Variants in RDH13 observed in about 807,000 individuals in gnomAD.
RDH13 encodes retinol dehydrogenase 13, also known as retinol dehydrogenase 13 (all-trans and 9-cis).
RDH13 carries 35 observed loss-of-function variants against 28.3 expected under a neutral mutation model. That is an observed-to-expected ratio of 1.24 (90% CI 0.95 to 1.64). The LOEUF is 1.64. Among genes scored for constraint, RDH13 ranks in the 40% most tolerant of loss-of-function variants. RDH13 has a pLI of 0.00. For missense variants in RDH13, 514 were observed against 446.3 expected, an observed-to-expected ratio of 1.15 and a Z score of -1.37; for synonymous variants, 229 against 198.5, an observed-to-expected ratio of 1.15 and a Z score of -1.29.
At position 55,061,584 on chromosome 19, in the gene RDH13, A is replaced by G. The variant is rs143454319; in HGVS notation, c.65+1384T>C. 3.5e-3 allele frequency among the ~76,000 whole-genome samples: 531 copies of G among 151,668 alleles called. 3 individuals carry two copies. The highest frequency in any genetic ancestry group is 0.012 in the African/African-American group (507 of 41,368). Reference sequence around the variant, plus strand: ...GACAGGAGGATCACTTGAGGTCAGGAGTTCGAGACCAGCCATGGCCAACAT... The same window carrying G: ...GACAGGAGGATCACTTGAGGTCAGGGGTTCGAGACCAGCCATGGCCAACAT... On this transcript the variant is annotated intron_variant, in intron 1 of 6. Transcript: ENST00000415061.
At position 55,045,176 on chromosome 19, in the gene RDH13, G is replaced by C. The variant is rs200031603; in HGVS notation, c.894C>G (p.Pro298=). ...GGGCCACCTCCTCATCCTCAGCCTC[G>C]GGGGCCGGGGCCTTCTGTTTGAGTC... ...FDGLKQKAPA[P]EAEDEEVARR... is the part of the protein sequence containing the mutation. The change falls in exon 7 of 7, where the codon CCC becomes CCG. Residue 298 remains proline (P), a synonymous_variant. Coordinates refer to ENST00000415061, the MANE Select transcript of RDH13 (RefSeq NM_001145971.2). 3.7e-6 allele frequency: 6 copies of C among 1,613,594 alleles called. No homozygotes were observed. Among genetic ancestry groups the C allele is most frequent in the Non-Finnish European group, 5.1e-6 (6 of 1,179,962 alleles).
At chr19:55,041,696 C>T (rs766562326), downstream of RDH13, 11 of 152,240 alleles carry the variant, frequency 7.2e-5, no homozygotes, top group East Asian at 1.9e-4. Flanking sequence ...AGCGCTCAGA[C>T]GCGACACGCC....
chr19:55,066,270 C>T (rs2075956512), upstream of RDH13, among the ~76,000 whole-genome samples: 1 of 152,202 alleles, frequency 6.6e-6, no homozygotes, highest in African/African-American at 2.4e-5. Flanking sequence ...CTGATCAGCA[C>T]TGGGTGCTGT....
Position 55,045,238 on chromosome 19 carries a change from C to G in RDH13, c.832G>C (p.Glu278Gln). 1 of 1,613,428 alleles carries G rather than the reference C, an allele frequency of 6.2e-7. No homozygotes were observed. Among genetic ancestry groups the G allele is most frequent in the Non-Finnish European group, 8.5e-7 (1 of 1,180,040 alleles). ...TTTCCGGAAACATCCGCCAGTTCCT[C>G]CGCCACGGCCAGGTATGTGCTGGGC... ...AQPSTYLAVA[E>Q]ELADVSGKYF... The change falls in exon 7 of 7, where the codon GAG becomes CAG. Residue 278 changes from glutamate to glutamine, a missense_variant. Coordinates refer to ENST00000415061, the MANE Select transcript of RDH13 (RefSeq NM_001145971.2).
chr19:55,061,194 C>G (rs1486030332), intron 1 of RDH13, among the ~76,000 whole-genome samples: 1 of 152,188 alleles, frequency 6.6e-6, no homozygotes, highest in South Asian at 2.1e-4. Context: ...GTGGCTCAAT[C>G]TCAGCTCACT....
At chr19:55,052,709 T>C (rs1247729690) in intron 3 of RDH13, among the ~76,000 whole-genome samples, 1 of 150,740 alleles carries the variant, frequency 6.6e-6, no homozygotes, top group Non-Finnish European at 1.5e-5. Context: ...TCACCCAGGC[T>C]GGAGTGCAGT....
chr19:55,047,686 G>C (rs1452266717), intron 5 of RDH13, among the ~76,000 whole-genome samples, 198 bp from the exon 6 acceptor site: 1 of 152,144 alleles, frequency 6.6e-6, no homozygotes, highest in East Asian at 1.9e-4. Context: ...GCTGGGAGCC[G>C]AGCTTTCCTG....
chr19:55,046,063 C>T (rs1296065483), intron 6 of RDH13, among the ~76,000 whole-genome samples: 1 of 150,812 alleles, frequency 6.6e-6, no homozygotes, highest in South Asian at 2.1e-4. Context: ...GCCTGGCCAA[C>T]GTGTGAAACC....
upstream of RDH13, among the ~76,000 whole-genome samples, chr19:55,065,949 T>G (rs1180721896): frequency 2.6e-5 from 4 of 152,090 alleles, no homozygotes; most frequent in Non-Finnish European, 4.4e-5. Context: ...AACTCCAGGC[T>G]TCAGGTGATC....
Position 55,056,790 on chromosome 19 carries a change from GCCAGGATGATGTTGCCTCCTGAAAAC to G in RDH13, c.185-8_202del, listed in dbSNP as rs1292200792. 1.2e-6 allele frequency: 2 copies of G among 1,613,982 alleles called. No homozygotes were observed. Among genetic ancestry groups the G allele is most frequent in the South Asian group, 1.1e-5 (1 of 91,032 alleles). ...CTCACACTTCTCCATGTCTCGGCAGGCCAGGATGATGTTGCCTCCTGAAAACCCAGGATGGAAAAAGATTTAAATTA... is the reference window on the plus strand; with the variant it reads ...CTCACACTTCTCCATGTCTCGGCAGGCCAGGATGGAAAAAGATTTAAATTA... On this transcript the variant is annotated splice_acceptor_variant and splice_polypyrimidine_tract_variant and coding_sequence_variant and intron_variant, in exon 3 of 7. Coordinates refer to ENST00000415061, the MANE Select transcript of RDH13 (RefSeq NM_001145971.2). LOFTEE classifies it high-confidence loss of function.
At chr19:55,067,352 G>A (rs1314769954), upstream of RDH13, 1 of 152,226 alleles carries the variant, frequency 6.6e-6, no homozygotes, top group African/African-American at 2.4e-5. Flanking sequence ...CAAGCTTTCT[G>A]CAGGAAATGA....
intron 3 of RDH13, among the ~76,000 whole-genome samples, chr19:55,049,121 C>T (rs768176089): frequency 2.6e-5 from 4 of 152,132 alleles, no homozygotes; most frequent in East Asian, 1.9e-4. Flanking sequence ...AGGGACACCG[C>T]GATTCAGACT....
At chr19:55,057,441 T>A (rs1330323828) in intron 2 of RDH13, among the ~76,000 whole-genome samples, 1 of 150,802 alleles carries the variant, frequency 6.6e-6, no homozygotes, top group Non-Finnish European at 1.5e-5. Flanking sequence ...TCTCCTTTTT[T>A]TTTTTTTTTT....
chr19:55,049,224 C>A (rs761213943), intron 3 of RDH13, among the ~76,000 whole-genome samples: 1 of 152,188 alleles, frequency 6.6e-6, no homozygotes, highest in Non-Finnish European at 1.5e-5. Flanking sequence ...GACACTCACA[C>A]GCCCTCCGCA....
chr19:55,043,540 C>T (rs568644703), downstream of RDH13, among the ~76,000 whole-genome samples: 85 of 151,646 alleles, frequency 5.6e-4, no homozygotes, highest in South Asian at 2.3e-3. Context: ...TGGTGGTGGG[C>T]GCCTGTAATC....
At chr19:55,062,916 C>T in intron 1 of RDH13, 52 bp downstream of exon 1, 1 of 1,379,686 alleles carries the variant, frequency 7.2e-7, no homozygotes. Context: ...CTTCCCGGCC[C>T]CTGCGCTGGG....
chr19:55,048,160 A>G, intron 5 of RDH13, 169 bp downstream of exon 5: 4 of 1,534,828 alleles, frequency 2.6e-6, no homozygotes, highest in South Asian at 1.2e-5. Context: ...ACGATCGATT[A>G]GTGATGTCTG....
chr19:55,065,748 C>G (rs916622209), upstream of RDH13, among the ~76,000 whole-genome samples: 2 of 151,848 alleles, frequency 1.3e-5, 1 homozygote, highest in Admixed American at 1.3e-4. Flanking sequence ...TTGAGAGTCT[C>G]TCTCCGATGC....
intron 6 of RDH13, among the ~76,000 whole-genome samples, chr19:55,045,964 A>T (rs1255746486): frequency 9.9e-6 from 1 of 101,358 alleles, no homozygotes; most frequent in South Asian, 3.2e-4. Flanking sequence ...AAAAAAAAAA[A>T]GGGCTGGGCG....
Sources: allele counts gnomAD v4.1 joint callset (sites outside exome capture counted in the v4.1 genomes callset), GRCh38; gene constraint gnomAD v4.1.1; transcripts MANE v1.5; gene names NCBI Gene and HGNC (gene_info 2026-07-23, HGNC 2026-07-21).